The following CD96 variants were observed in gnomAD, a reference collection of about 807,000 sequenced individuals.
CD96 encodes the protein T-cell surface protein tactile.
Under a neutral mutation model 71.3 loss-of-function variants are expected in CD96, and 70 were observed. The observed-to-expected ratio is 0.98, with a 90% confidence interval of 0.81 to 1.20. The LOEUF is 1.20. Ranked by LOEUF, CD96 falls within the 50% of genes most tolerant of loss-of-function variation. CD96 has a pLI of 0.00. For missense variants in CD96, 742 were observed against 677.5 expected (o/e 1.10, Z -1.06); for synonymous variants, 248 against 233.0 (o/e 1.06, Z -0.59).
At chr3:111,583,647 C>A (rs949093487) in intron 4 of CD96, among the ~76,000 whole-genome samples, 4 of 152,342 alleles carry the variant, frequency 2.6e-5, no homozygotes, top group African/African-American at 9.6e-5. Context: ...CGCACAGGCT[C>A]AACACCATGT....
At chr3:111,554,953 T>C (rs1248402652) in intron 2 of CD96, among the ~76,000 whole-genome samples, 1 of 151,914 alleles carries the variant, frequency 6.6e-6, no homozygotes, top group East Asian at 1.9e-4. Flanking sequence ...ACAACCTAGA[T>C]CCCTCAAATG....
intron 5 of CD96, chr3:111,593,448 A>G (rs1559742745): frequency 2.1e-6 from 3 of 1,430,136 alleles, no homozygotes; most frequent in Non-Finnish European, 9.2e-7. Flanking sequence ...GCAAAATGTC[A>G]CCAAACTACT....
At chr3:111,578,156 G>T (rs565973485) in intron 3 of CD96, among the ~76,000 whole-genome samples, 2 of 152,092 alleles carry the variant, frequency 1.3e-5, no homozygotes, top group Admixed American at 6.5e-5. Flanking sequence ...CCTTGTGCCC[G>T]TCAAGAATCC....
rs529961387 is a variant in CD96, at chr3:111,641,999, G to A, written c.1477+3831G>A. Among the ~76,000 whole-genome samples the A allele has an allele frequency of 3.3e-5, 5 of 152,304 alleles. No homozygotes were observed. In the South Asian group the frequency reaches 1.0e-3, roughly 32 times the overall value. ...GAACCTCTGGGATACAGCAAAGGTG[G>A]TGCTAAGAGGAAAGTTCACAGCCCT... On this transcript the variant is annotated intron_variant, in intron 12 of 13. Transcript: ENST00000352690.
chr3:111,657,053 T>A (rs1940246007), downstream of CD96, among the ~76,000 whole-genome samples: 1 of 151,806 alleles, frequency 6.6e-6, no homozygotes, highest in East Asian at 1.9e-4. Flanking sequence ...CTATTTGTAT[T>A]TTAAATAAAT....
At chr3:111,620,140 C>G (rs1938449379) in intron 8 of CD96, among the ~76,000 whole-genome samples, 1 of 125,226 alleles carries the variant, frequency 8.0e-6, no homozygotes, top group African/African-American at 2.5e-5. Flanking sequence ...GCCACAATCT[C>G]CCACTAAATT....
chr3:111,655,054 C>A (rs890036401), downstream of CD96, among the ~76,000 whole-genome samples: 1 of 152,182 alleles, frequency 6.6e-6, no homozygotes, highest in Non-Finnish European at 1.5e-5. Context: ...AGAATTCCAT[C>A]TATGGTAGAA....
intron 2 of CD96, among the ~76,000 whole-genome samples, chr3:111,557,674 G>T (rs1439261879): frequency 7.3e-6 from 1 of 137,204 alleles, no homozygotes; most frequent in Non-Finnish European, 1.6e-5. Flanking sequence ...GCTTAGGATT[G>T]ACTTGGCGAT....
intron 12 of CD96, 106 bp from the exon 13 acceptor site, chr3:111,647,437 G>A (rs1939883727): frequency 7.0e-6 from 7 of 1,005,896 alleles, no homozygotes; most frequent in Middle Eastern, 4.1e-4. Context: ...TATGATCACA[G>A]CCAATGTTGA....
chr3:111,626,055 G>A (rs1340261420), intron 10 of CD96, among the ~76,000 whole-genome samples: 3 of 152,166 alleles, frequency 2.0e-5, no homozygotes, highest in African/African-American at 7.2e-5. Context: ...TGTAATCCCA[G>A]CACTTTGGGA....
At chr3:111,561,226 A>G (rs1220753403) in intron 2 of CD96, among the ~76,000 whole-genome samples, 2 of 148,062 alleles carry the variant, frequency 1.4e-5, no homozygotes, top group East Asian at 2.0e-4. Context: ...GTCATTCTCC[A>G]TCCAGCTTTG....
At chr3:111,604,917 A>G (rs1318193795) in intron 7 of CD96, among the ~76,000 whole-genome samples, 1 of 152,262 alleles carries the variant, frequency 6.6e-6, no homozygotes, top group Non-Finnish European at 1.5e-5. Context: ...TAAAATTTTT[A>G]TAAACATGAT....
chr3:111,571,194 T>G, intron 3 of CD96: 1 of 518,390 alleles, frequency 1.9e-6, no homozygotes. Flanking sequence ...AGAGTTTTTT[T>G]GTTTTGTTTT....
intron 5 of CD96, among the ~76,000 whole-genome samples, chr3:111,588,954 CTTT>C (rs772858162): frequency 2.9e-5 from 4 of 136,246 alleles, no homozygotes; most frequent in Admixed American, 7.3e-5. Context: ...CTTTTTTTTT[CTTT>C]TTTTTTTTTT....
At chr3:111,616,794 G>A (rs76766032) in intron 8 of CD96, among the ~76,000 whole-genome samples, 1,541 of 152,262 alleles carry the variant, frequency 0.01, 11 homozygotes, top group Non-Finnish European at 0.018. Flanking sequence ...CTGAGAACAG[G>A]AGGGAGCCTG....
At position 111,615,772 on chromosome 3, in the gene CD96, C is replaced by A. The variant is rs1938199899; in HGVS notation, c.1181-7982C>A. Among the ~76,000 whole-genome samples, 3 of 152,148 alleles carry A rather than the reference C, an allele frequency of 2.0e-5. No homozygotes were observed. The South Asian group carries it at 6.2e-4, about 32-fold the overall frequency. On this transcript the variant is annotated intron_variant, in intron 8 of 13. Coordinates refer to ENST00000352690, the MANE Select transcript of CD96 (RefSeq NM_005816.5). ...GAGGGAAGTGGGCAGTAAAGATGAGCAGAAATCTACAGTTAGCATGAAAAG... is the reference window on the plus strand; with the variant it reads ...GAGGGAAGTGGGCAGTAAAGATGAGAAGAAATCTACAGTTAGCATGAAAAG...
chr3:111,546,836 C>T (rs975832908), intron 2 of CD96, among the ~76,000 whole-genome samples: 2 of 151,566 alleles, frequency 1.3e-5, no homozygotes, highest in African/African-American at 4.9e-5. Flanking sequence ...GCCAAGGTCC[C>T]ATCAACTACT....
At chr3:111,647,759 C>T in intron 13 of CD96, 93 bp downstream of exon 13, 1 of 954,934 alleles carries the variant, frequency 1.0e-6, no homozygotes, top group Admixed American at 2.0e-5. Context: ...GAAGTTCCTC[C>T]CATATTTTAA....
intron 4 of CD96, among the ~76,000 whole-genome samples, chr3:111,583,277 G>A (rs145745217): frequency 2.4e-4 from 37 of 152,334 alleles, no homozygotes; most frequent in African/African-American, 8.7e-4. Context: ...AGGTTCCCAT[G>A]TTCTTAGGCA....
Sources: allele counts gnomAD v4.1 joint callset (sites outside exome capture counted in the v4.1 genomes callset), GRCh38; gene constraint gnomAD v4.1.1; transcripts MANE v1.5; gene names NCBI Gene and HGNC (gene_info 2026-07-23, HGNC 2026-07-21).